The following USP15 variants were observed in gnomAD, a reference collection of about 807,000 sequenced individuals.
USP15 encodes the protein ubiquitin specific peptidase 15, also known as ubiquitin carboxyl-terminal hydrolase 15.
A neutral mutation model predicts 127.1 loss-of-function variants in USP15; 18 were observed. The ratio of observed to expected loss-of-function variants is 0.14; its 90% CI spans 0.10 to 0.21. The LOEUF is 0.21. USP15 is among the 10% of genes least tolerant of loss of function. The pLI is 1.00. For synonymous variants in USP15, 364 were observed against 393.7 expected (o/e 0.92, Z 0.89); for missense variants, 805 against 1,159.9 (o/e 0.69, Z 4.44).
chr12:62,274,658 A>C (rs2063435501), intron 1 of USP15, among the ~76,000 whole-genome samples: 1 of 152,108 alleles, frequency 6.6e-6, no homozygotes, highest in Non-Finnish European at 1.5e-5. Flanking sequence ...CAAACAGATA[A>C]ATAAATGAAG....
chr12:62,403,606 T>C (rs2067765397), intron 21 of USP15, among the ~76,000 whole-genome samples: 2 of 152,006 alleles, frequency 1.3e-5, no homozygotes, highest in South Asian at 4.1e-4. Flanking sequence ...ACTCTGTTTA[T>C]CACCCTGACT....
chr12:62,335,247 C>A, intron 6 of USP15: 1 of 1,526,158 alleles, frequency 6.6e-7, no homozygotes, highest in South Asian at 1.2e-5. Flanking sequence ...CTCTGGTTAT[C>A]ATCCACAGAC....
At chr12:62,398,000 G>T (rs951196341) in intron 20 of USP15, among the ~76,000 whole-genome samples, 3 of 147,484 alleles carry the variant, frequency 2.0e-5, no homozygotes, top group Admixed American at 2.0e-4. Context: ...TTATCTATAC[G>T]TTTTTTTTTT....
chr12:62,388,088 T>A (rs1009851508), intron 11 of USP15, among the ~76,000 whole-genome samples: 2 of 151,330 alleles, frequency 1.3e-5, no homozygotes, highest in Non-Finnish European at 2.9e-5. Flanking sequence ...GGAGCAGTAG[T>A]GAAATAGGAA....
At chr12:62,398,964 TTC>T (rs1299128549) in intron 20 of USP15, among the ~76,000 whole-genome samples, 1 of 152,240 alleles carries the variant, frequency 6.6e-6, no homozygotes, top group Non-Finnish European at 1.5e-5. Context: ...TAGCTCTTCT[TTC>T]TCTGTTCCTT....
Position 62,276,154 on chromosome 12 carries a change from A to G in USP15, c.89+15651A>G, listed in dbSNP as rs571905014. ...TTCCTTGTAATCCTCTGAAACAGGA[A>G]GATTATAGTGATTAAGCCATAGATC... On this transcript the variant is annotated intron_variant, in intron 1 of 21. Coordinates refer to ENST00000280377, the MANE Select transcript of USP15 (RefSeq NM_001252078.2). Among the ~76,000 whole-genome samples, 9 of 152,274 alleles carry G rather than the reference A, an allele frequency of 5.9e-5. No individual in the cohort carries two copies. The East Asian group carries it at 1.7e-3, about 29-fold the overall frequency.
At chr12:62,298,624 T>A (rs2064206536) in intron 2 of USP15, among the ~76,000 whole-genome samples, 1 of 151,882 alleles carries the variant, frequency 6.6e-6, no homozygotes. Context: ...GAGATCATGC[T>A]ACTGCACTCT....
rs142831638 is a variant in USP15 at position 62,264,816 on chromosome 12, C to T, written c.89+4313C>T. 2.2e-3 allele frequency among the ~76,000 whole-genome samples: 334 copies of T among 152,208 alleles called. 2 individuals are homozygous for T. The highest frequency in any genetic ancestry group is 7.7e-3 in the African/African-American group (321 of 41,542). On this transcript the variant is annotated intron_variant, in intron 1 of 21. Coordinates refer to ENST00000280377, the MANE Select transcript of USP15 (RefSeq NM_001252078.2). ...TGAATTTCAAAATATTTAGTGTATA[C>T]TTAAAGAAATTTTTATATTACTATT...
intron 16 of USP15, 136 bp from the exon 17 acceptor site, chr12:62,391,680 C>A: frequency 1.1e-6 from 1 of 907,644 alleles, no homozygotes; most frequent in Non-Finnish European, 1.6e-6. Flanking sequence ...GGCTTGGAAA[C>A]TGCTGTTTGC....
At chr12:62,329,665 A>G (rs1467426070) in intron 6 of USP15, among the ~76,000 whole-genome samples, 1 of 152,244 alleles carries the variant, frequency 6.6e-6, no homozygotes, top group Non-Finnish European at 1.5e-5. Context: ...AATAAAGGGT[A>G]GCTAAGTGCT....
chr12:62,370,283 A>G (rs1486942791), intron 8 of USP15, among the ~76,000 whole-genome samples: 1 of 152,162 alleles, frequency 6.6e-6, no homozygotes, highest in African/African-American at 2.4e-5. Flanking sequence ...CTTTCAGCGT[A>G]TATACATAGT....
chr12:62,349,132 A>G, intron 6 of USP15, 89 bp from the exon 7 acceptor site: 3 of 779,684 alleles, frequency 3.8e-6, no homozygotes, highest in Non-Finnish European at 5.5e-6. Flanking sequence ...TTCATTTACT[A>G]CAAACATTGT....
rs2064982378 is a variant in USP15 at position 62,321,445 on chromosome 12, C to T, written c.476-19C>T. 1 of 1,470,196 alleles carries T rather than the reference C, an allele frequency of 6.8e-7. No homozygotes were observed. The allele number at this position is 1,470,196 out of a possible 1,614,324, so 91.1% of individuals were successfully genotyped here. On this transcript the variant is annotated intron_variant, in intron 4 of 21. Coordinates refer to ENST00000280377, the MANE Select transcript of USP15 (RefSeq NM_001252078.2). ...TGAAATACATACTATATTTATATAT[C>T]TTTCCTCCTTAAATCTAGATACAAT... is the stretch of plus-strand genomic sequence containing the variant.
At chr12:62,357,877 C>G (rs2137459445) in intron 8 of USP15, among the ~76,000 whole-genome samples, 1 of 152,058 alleles carries the variant, frequency 6.6e-6, no homozygotes, top group Middle Eastern at 3.4e-3. Context: ...CTCTATTTCA[C>G]AAAAATTCAT....
intron 3 of USP15, chr12:62,306,144 T>G (rs1375086582): frequency 6.6e-6 from 1 of 152,206 alleles, no homozygotes; most frequent in Admixed American, 6.6e-5. Context: ...AGCAACCTCA[T>G]GAGAAACTCT....
At chr12:62,350,260 C>T (rs1375151979) in intron 7 of USP15, among the ~76,000 whole-genome samples, 1 of 151,550 alleles carries the variant, frequency 6.6e-6, no homozygotes, top group East Asian at 1.9e-4. Flanking sequence ...AATTAAAACA[C>T]CAATAATTAA....
intron 1 of USP15, among the ~76,000 whole-genome samples, chr12:62,265,805 G>A (rs917413655): frequency 6.6e-6 from 1 of 152,072 alleles, no homozygotes; most frequent in Non-Finnish European, 1.5e-5. Context: ...CTTCAGCCTC[G>A]CAAGTATTAA....
At chr12:62,278,695 C>CA (rs1315740695) in intron 1 of USP15, 1 of 152,118 alleles carries the variant, frequency 6.6e-6, no homozygotes, top group Non-Finnish European at 1.5e-5. Context: ...CTGCTAAACT[C>CA]ATTAGAAATT....
At chr12:62,396,721 A>C (rs756137851) in intron 20 of USP15, among the ~76,000 whole-genome samples, 2 of 152,050 alleles carry the variant, frequency 1.3e-5, no homozygotes, top group African/African-American at 2.4e-5. Flanking sequence ...ATTAATATTT[A>C]TTCATTTATA....
Sources: gnomAD v4.1 joint callset for allele counts (sites outside exome capture counted in the v4.1 genomes callset) on GRCh38, gnomAD v4.1.1 for gene constraint, MANE v1.5 for transcripts, NCBI Gene and HGNC (gene_info 2026-07-23, HGNC 2026-07-21) for gene names.